Variants in DCAF8L2 observed in about 807,000 individuals in gnomAD.
DCAF8L2 encodes DDB1- and CUL4-associated factor 8-like protein 2.
For synonymous variants in DCAF8L2, 200 were observed against 190.9 expected, an observed-to-expected ratio of 1.05 and a Z score of -0.39; for missense variants, 430 against 490.7, an observed-to-expected ratio of 0.88 and a Z score of 1.17.
chrX:27,605,339 A>G (rs930036030), intron 1 of DCAF8L2, among the ~76,000 whole-genome samples: 2 of 111,906 alleles, frequency 1.8e-5, no homozygotes, highest in African/African-American at 3.2e-5. Flanking sequence ...GAAAATTTTC[A>G]GCTCTAACTA....
intron 3 of DCAF8L2, among the ~76,000 whole-genome samples, chrX:27,685,860 T>C (rs1490272074): frequency 9.0e-6 from 1 of 111,700 alleles, no homozygotes; most frequent in East Asian, 2.8e-4. Flanking sequence ...ACCAAGAATA[T>C]ATAAGGAACT....
chrX:27,673,849 A>G (rs1930048856), intron 2 of DCAF8L2, among the ~76,000 whole-genome samples: 1 of 111,068 alleles, frequency 9.0e-6, no homozygotes, highest in Admixed American at 9.7e-5. Flanking sequence ...TGGATAAGGT[A>G]GCTGCGGCAC....
At chrX:27,596,028 A>G (rs747286474) in intron 1 of DCAF8L2, among the ~76,000 whole-genome samples, 1 of 112,083 alleles carries the variant, frequency 8.9e-6, no homozygotes, top group Non-Finnish European at 1.9e-5. Flanking sequence ...CTCCATCTCC[A>G]AAAAAACAAA....
At chrX:27,514,270 TGC>T in the DCAF8L2 span, among the ~76,000 whole-genome samples, 78 of 36,699 alleles carry the variant, frequency 2.1e-3, 5 homozygotes, top group Non-Finnish European at 3.4e-3. Context: ...TGTGCATATG[TGC>T]ACATATGTAC....
chrX:27,673,463 G>A (rs1238468857), intron 2 of DCAF8L2, among the ~76,000 whole-genome samples: 3 of 98,976 alleles, frequency 3.0e-5, no homozygotes, highest in Non-Finnish European at 6.0e-5. Flanking sequence ...AGCCGAGATA[G>A]TGCCACTGCA....
At position 27,747,110 on chromosome X, in the gene DCAF8L2, G is replaced by A. The variant is rs1270142489; in HGVS notation, c.215G>A (p.Ser72Asn). Residue 72 changes from serine (S) to asparagine (N), a missense_variant, in exon 5 of 5, where the codon AGC becomes AAC. Ser to Asn is a conservative substitution (Grantham distance 46, BLOSUM62 1). Coordinates refer to ENST00000451261, the MANE Select transcript of DCAF8L2 (RefSeq NM_001353450.2). ...AACGATGCCAGCACAGAAAATCGAAGCTCAGACCAAGAAAGCGCAAGTGAA... is the reference window on the plus strand; with the variant it reads ...AACGATGCCAGCACAGAAAATCGAAACTCAGACCAAGAAAGCGCAAGTGAA... ...FPNDASTENR[S>N]SDQESASEDI... 1 of 1,165,990 alleles carries A rather than the reference G, an allele frequency of 8.6e-7. No homozygotes were observed. Among genetic ancestry groups the A allele is most frequent in the African/African-American group, 1.8e-5 (1 of 55,549 alleles).
chrX:27,637,333 A>G (rs944532317), intron 2 of DCAF8L2, among the ~76,000 whole-genome samples: 30 of 112,092 alleles, frequency 2.7e-4, no homozygotes, highest in Non-Finnish European at 5.6e-4. Context: ...AGATCACACT[A>G]GCTTAACTTT....
chrX:27,626,776 G>T (rs1928028766), intron 1 of DCAF8L2, among the ~76,000 whole-genome samples: 1 of 111,823 alleles, frequency 8.9e-6, no homozygotes, highest in South Asian at 3.7e-4. Flanking sequence ...GGCAAAGAAA[G>T]ATTCCTGCTA....
At chrX:27,520,708 A>T in the DCAF8L2 span, among the ~76,000 whole-genome samples, 1 of 112,153 alleles carries the variant, frequency 8.9e-6, no homozygotes, top group African/African-American at 3.2e-5. Flanking sequence ...TTAAATAATA[A>T]AGAAATACTT....
chrX:27,635,852 C>T (rs1928480331), intron 2 of DCAF8L2, among the ~76,000 whole-genome samples: 1 of 103,416 alleles, frequency 9.7e-6, no homozygotes, highest in African/African-American at 3.6e-5. Flanking sequence ...GCTCTTGTTA[C>T]CCAGGCTGGA....
chrX:27,673,007 C>T (rs774861433), intron 2 of DCAF8L2, among the ~76,000 whole-genome samples: 1 of 110,927 alleles, frequency 9.0e-6, no homozygotes, highest in Non-Finnish European at 1.9e-5. Flanking sequence ...TCCCCACAAG[C>T]CCTGAAGAAG....
the DCAF8L2 span, among the ~76,000 whole-genome samples, chrX:27,513,566 G>C: frequency 9.1e-6 from 1 of 109,758 alleles, no homozygotes; most frequent in Non-Finnish European, 1.9e-5. Flanking sequence ...TTAGCTGGGC[G>C]TGGTGGCGTG....
the DCAF8L2 span, among the ~76,000 whole-genome samples, chrX:27,577,130 C>T: frequency 4.5e-5 from 5 of 111,930 alleles, no homozygotes; most frequent in African/African-American, 9.7e-5. Flanking sequence ...TAATTTGCAA[C>T]GAGAAATACA....
At chrX:27,624,983 A>G (rs1927943855) in intron 1 of DCAF8L2, among the ~76,000 whole-genome samples, 1 of 112,327 alleles carries the variant, frequency 8.9e-6, no homozygotes, top group African/African-American at 3.2e-5. Context: ...TGTGACAAAA[A>G]GAAAAATTGG....
intron 2 of DCAF8L2, among the ~76,000 whole-genome samples, chrX:27,644,699 G>A (rs1461765234): frequency 8.9e-6 from 1 of 111,905 alleles, no homozygotes; most frequent in Non-Finnish European, 1.9e-5. Context: ...TCTACCAGAG[G>A]TACAAAGAGG....
intron 2 of DCAF8L2, among the ~76,000 whole-genome samples, chrX:27,638,088 C>T (rs1286111687): frequency 8.9e-6 from 1 of 111,937 alleles, no homozygotes; most frequent in East Asian, 2.8e-4. Context: ...TAGGAAAAGT[C>T]TTAGATTGTA....
At chrX:27,535,577 A>G in the DCAF8L2 span, among the ~76,000 whole-genome samples, 1 of 111,124 alleles carries the variant, frequency 9.0e-6, no homozygotes, top group South Asian at 3.8e-4. Context: ...CTGCTTACCT[A>G]AAGGTACATT....
the DCAF8L2 span, among the ~76,000 whole-genome samples, chrX:27,535,957 A>G: frequency 9.0e-6 from 1 of 111,597 alleles, no homozygotes; most frequent in Non-Finnish European, 1.9e-5. Flanking sequence ...TGTCATTGCA[A>G]TTTGTTACTG....
intron 4 of DCAF8L2, among the ~76,000 whole-genome samples, chrX:27,731,805 T>G (rs1921221551): frequency 8.9e-6 from 1 of 111,991 alleles, no homozygotes; most frequent in African/African-American, 3.2e-5. Flanking sequence ...ACTATTAATT[T>G]ATTTAATGTT....
Sources: allele counts gnomAD v4.1 joint callset (sites outside exome capture counted in the v4.1 genomes callset), GRCh38; gene constraint gnomAD v4.1.1; transcripts MANE v1.5; gene names NCBI Gene and HGNC (gene_info 2026-07-23, HGNC 2026-07-21).